The following NEGR1 variants were observed in gnomAD, a reference collection of about 807,000 sequenced individuals.
NEGR1 encodes the protein IgLON family member 4.
A neutral mutation model predicts 40.9 loss-of-function variants in NEGR1; 10 were observed. The observed-to-expected ratio is 0.24, with a 90% confidence interval of 0.15 to 0.42. NEGR1 has a LOEUF of 0.42. NEGR1 is among the 10% of genes least tolerant of loss of function. The pLI is 1.00. For synonymous variants in NEGR1, 185 were observed against 166.8 expected (o/e 1.11, Z -0.84); for missense variants, 352 against 438.9 (o/e 0.80, Z 1.77).
At chr1:71,969,060 G>A (rs1646234975) in intron 1 of NEGR1, among the ~76,000 whole-genome samples, 1 of 151,858 alleles carries the variant, frequency 6.6e-6, no homozygotes, top group South Asian at 2.1e-4. Context: ...TGTTGCCCAG[G>A]CTGGAGTGCA....
chr1:71,959,301 A>G (rs1278394978), intron 1 of NEGR1, among the ~76,000 whole-genome samples: 1 of 152,194 alleles, frequency 6.6e-6, no homozygotes, highest in Non-Finnish European at 1.5e-5. Flanking sequence ...ACACTGGACC[A>G]GTCATCCTGT....
chr1:71,595,321 G>T (rs1649659702), intron 5 of NEGR1, among the ~76,000 whole-genome samples: 1 of 152,150 alleles, frequency 6.6e-6, no homozygotes, highest in Non-Finnish European at 1.5e-5. Flanking sequence ...TTCCCTCTGG[G>T]GAAAGCTACT....
intron 3 of NEGR1, among the ~76,000 whole-genome samples, chr1:71,703,796 G>C (rs1226323712): frequency 6.6e-6 from 1 of 151,708 alleles, no homozygotes; most frequent in Non-Finnish European, 1.5e-5. Context: ...TAAAAATACA[G>C]AGCCTCGATG....
At chr1:72,228,383 G>T (rs1654258345) in intron 1 of NEGR1, among the ~76,000 whole-genome samples, 1 of 152,064 alleles carries the variant, frequency 6.6e-6, no homozygotes, top group Admixed American at 6.6e-5. Flanking sequence ...TTCTGCCTTG[G>T]ACTGAGAGTT....
intron 3 of NEGR1, among the ~76,000 whole-genome samples, chr1:71,764,774 A>G (rs771203868): frequency 6.6e-6 from 1 of 152,222 alleles, no homozygotes; most frequent in Non-Finnish European, 1.5e-5. Context: ...TGACTATTCT[A>G]TGGTCACTTT....
At chr1:71,488,805 A>C (rs1165463258) in intron 6 of NEGR1, among the ~76,000 whole-genome samples, 1 of 151,726 alleles carries the variant, frequency 6.6e-6, no homozygotes, top group Non-Finnish European at 1.5e-5. Flanking sequence ...TAATGCAAGC[A>C]GAAGTATTAT....
At chr1:71,884,826 C>T (rs1660680719) in intron 2 of NEGR1, among the ~76,000 whole-genome samples, 2 of 152,222 alleles carry the variant, frequency 1.3e-5, no homozygotes, top group African/African-American at 2.4e-5. Flanking sequence ...TTTAAATTCA[C>T]ATGGACAAAG....
intron 4 of NEGR1, among the ~76,000 whole-genome samples, chr1:71,646,829 A>G (rs1263693079): frequency 6.6e-6 from 1 of 151,886 alleles, no homozygotes; most frequent in Non-Finnish European, 1.5e-5. Flanking sequence ...TATCAATGAC[A>G]TCAATAAAGG....
intron 1 of NEGR1, among the ~76,000 whole-genome samples, chr1:72,248,259 T>C (rs1411579809): frequency 6.6e-6 from 1 of 152,160 alleles, no homozygotes; most frequent in Non-Finnish European, 1.5e-5. Context: ...CTAAGACTTG[T>C]ATTTCATTTA....
intron 5 of NEGR1, among the ~76,000 whole-genome samples, chr1:71,605,942 C>G (rs534735516): frequency 5.3e-5 from 8 of 152,226 alleles, no homozygotes; most frequent in Non-Finnish European, 1.2e-4. Flanking sequence ...ATAAAAAATA[C>G]TTAGATAATG....
intron 4 of NEGR1, among the ~76,000 whole-genome samples, chr1:71,688,297 AGTTTCCCTTTTC>A (rs1653106291): frequency 2.4e-5 from 2 of 82,122 alleles, no homozygotes; most frequent in African/African-American, 4.5e-5. Flanking sequence ...GAACTGGAGG[AGTTTCCCTTTTC>A]ATATATATAT....
At chr1:71,581,047 A>C (rs985749083) in intron 6 of NEGR1, among the ~76,000 whole-genome samples, 5 of 152,188 alleles carry the variant, frequency 3.3e-5, no homozygotes, top group African/African-American at 1.2e-4. Flanking sequence ...AGCTATTCAA[A>C]CCTCATTACC....
chr1:71,593,608 T>C (rs1649578833), intron 5 of NEGR1, among the ~76,000 whole-genome samples: 1 of 152,226 alleles, frequency 6.6e-6, no homozygotes, highest in African/African-American at 2.4e-5. Flanking sequence ...TTTAAAACTC[T>C]CTGGACTTCA....
intron 2 of NEGR1, among the ~76,000 whole-genome samples, chr1:71,824,882 C>G (rs1169466880): frequency 2.0e-5 from 3 of 151,944 alleles, no homozygotes; most frequent in Non-Finnish European, 4.4e-5. Flanking sequence ...GAATAATCAA[C>G]AATTTACCCA....
rs187994766 is a variant in NEGR1, at chr1:71,442,975, A to G, written c.941-35405T>C. On this transcript the variant is annotated intron_variant, in intron 6 of 6. Transcript: ENST00000357731. ...TTTAGGTTACTTTGTGGATCTGTACACTCAGGCTCAGCCAGTGGTGGAGGA... is the reference window on the plus strand; with the variant it reads ...TTTAGGTTACTTTGTGGATCTGTACGCTCAGGCTCAGCCAGTGGTGGAGGA... 8.5e-4 allele frequency among the ~76,000 whole-genome samples: 129 copies of G among 152,260 alleles called. 2 individuals carry two copies. Among genetic ancestry groups the G allele is most frequent in the Admixed American group, 8.4e-3 (128 of 15,298 alleles).
intron 1 of NEGR1, among the ~76,000 whole-genome samples, chr1:72,110,427 T>C (rs998570526): frequency 6.6e-6 from 1 of 151,506 alleles, no homozygotes; most frequent in Non-Finnish European, 1.5e-5. Flanking sequence ...ATTAAACTGA[T>C]AGAAAAGTAA....
At chr1:72,052,138 T>G (rs2100478172) in intron 1 of NEGR1, among the ~76,000 whole-genome samples, 1 of 151,544 alleles carries the variant, frequency 6.6e-6, no homozygotes, top group Admixed American at 6.6e-5. Context: ...TTGCTATTAA[T>G]AATTGGGGAG....
At chr1:72,273,551 C>G (rs537253481) in intron 1 of NEGR1, among the ~76,000 whole-genome samples, 1 of 151,676 alleles carries the variant, frequency 6.6e-6, no homozygotes, top group African/African-American at 2.4e-5. Context: ...CTGCTTAAAC[C>G]GACAGTAAGA....
intron 3 of NEGR1, among the ~76,000 whole-genome samples, chr1:71,752,520 T>C (rs1655604301): frequency 6.6e-6 from 1 of 152,218 alleles, no homozygotes; most frequent in African/African-American, 2.4e-5. Context: ...TATTCATTTT[T>C]GCATAGGGCT....
Sources: gnomAD v4.1 joint callset for allele counts (sites outside exome capture counted in the v4.1 genomes callset) on GRCh38, gnomAD v4.1.1 for gene constraint, MANE v1.5 for transcripts, NCBI Gene and HGNC (gene_info 2026-07-23, HGNC 2026-07-21) for gene names.